Variants in SUGCT observed in about 807,000 individuals in gnomAD.
SUGCT encodes the protein succinyl-CoA:glutarate-CoA transferase, also known as succinyl-CoA:glutarate CoA-transferase.
SUGCT carries 41 observed loss-of-function variants against 55.0 expected under a neutral mutation model. The ratio of observed to expected loss-of-function variants is 0.74; its 90% confidence interval spans 0.58 to 0.97. The LOEUF (loss-of-function observed/expected upper bound fraction) is 0.97. SUGCT is among the 50% of genes least tolerant of loss of function. The pLI is 0.00. For synonymous variants in SUGCT, 187 were observed against 200.4 expected, an observed-to-expected ratio of 0.93 and a Z score of 0.56; for missense variants, 568 against 547.8, an observed-to-expected ratio of 1.04 and a Z score of -0.37.
At chr7:40,647,505 C>G (rs920699869) in intron 12 of SUGCT, among the ~76,000 whole-genome samples, 3 of 152,146 alleles carry the variant, frequency 2.0e-5, no homozygotes, top group African/African-American at 7.2e-5. Context: ...TGTTCTGAGA[C>G]AAGCCCTATC....
At chr7:40,696,175 C>G (rs941178663) in intron 12 of SUGCT, among the ~76,000 whole-genome samples, 1 of 152,178 alleles carries the variant, frequency 6.6e-6, no homozygotes, top group Non-Finnish European at 1.5e-5. Flanking sequence ...CACTCTTAAA[C>G]TGATTTTACA....
At chr7:40,630,888 C>T (rs1257602719) in intron 12 of SUGCT, among the ~76,000 whole-genome samples, 46 of 11,620 alleles carry the variant, frequency 4.0e-3, no homozygotes, top group Non-Finnish European at 1.7e-3. Context: ...CACACGGGGT[C>T]GGGGGGGTGG....
chr7:40,928,623 G>A, the SUGCT span, among the ~76,000 whole-genome samples: 53 of 145,104 alleles, frequency 3.7e-4, no homozygotes, highest in Admixed American at 5.5e-4. Context: ...TTTTTGAGAC[G>A]GAGTCTTGCT....
chr7:41,023,150 C>T, the SUGCT span, among the ~76,000 whole-genome samples: 24 of 152,126 alleles, frequency 1.6e-4, no homozygotes, highest in African/African-American at 5.3e-4. Context: ...CAACCACTAG[C>T]AATGGTGCAA....
intron 9 of SUGCT, among the ~76,000 whole-genome samples, chr7:40,390,494 GACAA>G (rs1785366620): frequency 6.6e-6 from 1 of 152,128 alleles, no homozygotes. Flanking sequence ...ACTGATAACA[GACAA>G]ACAGAGAGCC....
chr7:40,225,078 G>A (rs1416067648), intron 6 of SUGCT, among the ~76,000 whole-genome samples: 1 of 152,164 alleles, frequency 6.6e-6, no homozygotes, highest in Non-Finnish European at 1.5e-5. Flanking sequence ...TGAAACGTAT[G>A]CATATGAAAC....
intron 6 of SUGCT, among the ~76,000 whole-genome samples, chr7:40,202,731 G>A (rs1786681935): frequency 6.6e-6 from 1 of 152,100 alleles, no homozygotes; most frequent in South Asian, 2.1e-4. Context: ...TCAGATTGTA[G>A]TTCTCCCACT....
chr7:40,968,616 A>G, the SUGCT span, among the ~76,000 whole-genome samples: 10 of 152,300 alleles, frequency 6.6e-5, no homozygotes, highest in African/African-American at 2.4e-4. Flanking sequence ...AAAACAAAAC[A>G]AAGTTCTCCG....
intron 13 of SUGCT, among the ~76,000 whole-genome samples, chr7:40,760,263 G>A (rs777596516): frequency 2.0e-5 from 3 of 152,138 alleles, no homozygotes; most frequent in Admixed American, 1.3e-4. Context: ...AAACAATGTT[G>A]TGTTGGTATA....
At chr7:40,817,855 C>T (rs752272344) in intron 13 of SUGCT, among the ~76,000 whole-genome samples, 8 of 152,050 alleles carry the variant, frequency 5.3e-5, no homozygotes, top group Non-Finnish European at 1.2e-4. Context: ...ATTACATAAG[C>T]CGAGAGAGAG....
rs562098245 is a variant in SUGCT at position 40,603,599 on chromosome 7, G to T, written c.1089+107213G>T. Among the ~76,000 whole-genome samples the T allele has an allele frequency of 8.5e-5, 13 of 152,162 alleles. No homozygotes were observed. In the East Asian group the frequency reaches 2.3e-3, roughly 27 times the overall value. On this transcript the variant is annotated intron_variant, in intron 12 of 13. Coordinates refer to ENST00000335693, the MANE Select transcript of SUGCT (RefSeq NM_001193313.2). ...TGAGATTTTATTCTGGATTTAGATG[G>T]TTCTCAGCCTTATGGTCTGCATAAA...
chr7:40,812,440 T>C (rs970096240), intron 13 of SUGCT, among the ~76,000 whole-genome samples: 2 of 152,106 alleles, frequency 1.3e-5, no homozygotes, highest in Non-Finnish European at 2.9e-5. Context: ...TTCTTCCTGA[T>C]TCGATTTTGG....
At chr7:40,510,809 A>G (rs1184124949) in intron 12 of SUGCT, among the ~76,000 whole-genome samples, 1 of 152,202 alleles carries the variant, frequency 6.6e-6, no homozygotes, top group Non-Finnish European at 1.5e-5. Flanking sequence ...AATTTCAATT[A>G]ATAAACTTAG....
At chr7:40,329,195 G>C (rs1411438897) in intron 9 of SUGCT, among the ~76,000 whole-genome samples, 1 of 152,098 alleles carries the variant, frequency 6.6e-6, no homozygotes, top group Non-Finnish European at 1.5e-5. Context: ...GAAAATAACT[G>C]AGTTCTGATA....
chr7:40,329,327 A>T (rs17171686), intron 9 of SUGCT, among the ~76,000 whole-genome samples: 29 of 152,116 alleles, frequency 1.9e-4, no homozygotes, highest in Non-Finnish European at 3.2e-4. Context: ...ATGTTGATGT[A>T]TAAGTATGGC....
At chr7:40,721,659 C>T (rs908076585) in intron 12 of SUGCT, among the ~76,000 whole-genome samples, 1 of 152,176 alleles carries the variant, frequency 6.6e-6, no homozygotes, top group African/African-American at 2.4e-5. Context: ...AATGGACATA[C>T]TTATGCACAG....
intron 9 of SUGCT, among the ~76,000 whole-genome samples, chr7:40,404,280 G>A (rs1010968866): frequency 1.3e-5 from 2 of 152,132 alleles, no homozygotes; most frequent in Admixed American, 6.6e-5. Context: ...AGTTGCTATT[G>A]CACAATTCTA....
intron 12 of SUGCT, among the ~76,000 whole-genome samples, chr7:40,545,790 C>G (rs1328164772): frequency 3.9e-5 from 6 of 152,098 alleles, no homozygotes; most frequent in Admixed American, 3.3e-4. Flanking sequence ...ACAGAAGAAT[C>G]ATGGGTGTGT....
chr7:40,401,235 T>C (rs987508188), intron 9 of SUGCT, among the ~76,000 whole-genome samples: 10 of 152,322 alleles, frequency 6.6e-5, no homozygotes, highest in Middle Eastern at 6.8e-3. Flanking sequence ...AAAAATTTCC[T>C]TGGGCTCTTA....
Sources: gnomAD v4.1 joint callset for allele counts (sites outside exome capture counted in the v4.1 genomes callset) on GRCh38, gnomAD v4.1.1 for gene constraint, MANE v1.5 for transcripts, NCBI Gene and HGNC (gene_info 2026-07-23, HGNC 2026-07-21) for gene names.